NEK1: variants seen among roughly 807,000 people sequenced by gnomAD.
The protein encoded by NEK1 is NIMA related kinase 1, also known as serine/threonine-protein kinase Nek1.
NEK1 carries 137 observed loss-of-function variants against 182.1 expected under a neutral mutation model. That is an observed-to-expected ratio of 0.75 (90% confidence interval 0.65 to 0.87). The LOEUF (loss-of-function observed/expected upper bound fraction) is 0.87. NEK1 is among the 40% of genes least tolerant of loss of function. The pLI, the probability that NEK1 is intolerant of heterozygous loss-of-function variation, is 0.00. For synonymous variants in NEK1, 513 were observed against 492.2 expected, an observed-to-expected ratio of 1.04 and a Z score of -0.56; for missense variants, 1,391 against 1,494.4, an observed-to-expected ratio of 0.93 and a Z score of 1.14.
At chr4:169,505,039 A>AAT (rs1561311382) in intron 23 of NEK1, among the ~76,000 whole-genome samples, 1 of 151,666 alleles carries the variant, frequency 6.6e-6, no homozygotes, top group Non-Finnish European at 1.5e-5. Context: ...TAAAAAAAAA[A>AAT]TTTTTTTTAA....
chr4:169,502,188 G>C (rs979911287), intron 23 of NEK1, among the ~76,000 whole-genome samples: 1 of 150,918 alleles, frequency 6.6e-6, no homozygotes, highest in Non-Finnish European at 1.5e-5. Context: ...GATTGAACTA[G>C]GAAGAAACTG....
At chr4:169,607,685 G>A (rs1047496022) in intron 2 of NEK1, among the ~76,000 whole-genome samples, 6 of 151,854 alleles carry the variant, frequency 4.0e-5, no homozygotes, top group East Asian at 1.9e-4. Context: ...GGATGGTCTC[G>A]ATCTCCTGAC....
intron 19 of NEK1, among the ~76,000 whole-genome samples, chr4:169,514,986 A>G (rs949482593): frequency 9.9e-5 from 15 of 152,236 alleles, no homozygotes; most frequent in Middle Eastern, 6.8e-3. Context: ...AATTTCCCTC[A>G]CAGAAGTGCT....
Position 169,567,805 on chromosome 4 carries a change from C to T in NEK1, c.1021-5609G>A, listed in dbSNP as rs1297655791. On this transcript the variant is annotated intron_variant, in intron 12 of 35. Transcript: ENST00000507142. ...TCTGCCTGATGAAGTTTGAGGGCAA[C>T]GACTCTGCCTGAAATTCAAAACATT... 5.3e-5 allele frequency among the ~76,000 whole-genome samples: 8 copies of T among 152,136 alleles called. No homozygotes were observed. The East Asian group carries it at 7.7e-4, about 15-fold the overall frequency.
At position 169,404,041 on chromosome 4, in the gene NEK1, A is replaced by G. The variant is rs534987465; in HGVS notation, c.3375-2181T>C. ...ATTCTGTCATCAATTGTTCATTAAA[A>G]GAACACATGCATAACACAAACTTAG... On this transcript the variant is annotated intron_variant, in intron 32 of 35. Coordinates refer to ENST00000507142, the MANE Select transcript of NEK1 (RefSeq NM_001199397.3). Among the ~76,000 whole-genome samples the G allele has an allele frequency of 4.6e-5, 7 of 151,118 alleles. No individual in the cohort carries two copies. The South Asian group carries it at 1.5e-3, about 32-fold the overall frequency.
At chr4:169,434,475 T>A (rs13146554) in intron 28 of NEK1, among the ~76,000 whole-genome samples, 122,500 of 152,082 alleles carry the variant, frequency 0.81, 50,807 homozygotes, top group South Asian at 0.92. Context: ...AGCCTCTCAA[T>A]GTGCTGGGAT....
chr4:169,587,220 G>A (rs974942551), intron 9 of NEK1, among the ~76,000 whole-genome samples: 1 of 151,812 alleles, frequency 6.6e-6, no homozygotes, highest in African/African-American at 2.4e-5. Context: ...TGGGTGTTTT[G>A]AAAGAATTCA....
chr4:169,435,601 T>C (rs1225739251), intron 28 of NEK1, among the ~76,000 whole-genome samples: 1 of 152,202 alleles, frequency 6.6e-6, no homozygotes, highest in Admixed American at 6.5e-5. Flanking sequence ...GTGAAAGTGA[T>C]GCTATGCCAG....
chr4:169,473,062 C>T (rs1023019244), intron 26 of NEK1, among the ~76,000 whole-genome samples: 2 of 150,924 alleles, frequency 1.3e-5, no homozygotes, highest in African/African-American at 4.9e-5. Context: ...AGTTCAAAAG[C>T]AGCCTGGTTA....
intron 31 of NEK1, among the ~76,000 whole-genome samples, chr4:169,413,663 C>G (rs1003894793): frequency 1.3e-5 from 2 of 152,198 alleles, no homozygotes; most frequent in South Asian, 4.1e-4. Context: ...AAAATCTATA[C>G]TGATCCACCA....
intron 8 of NEK1, among the ~76,000 whole-genome samples, chr4:169,587,831 A>C (rs559771091): frequency 9.4e-4 from 143 of 152,242 alleles, no homozygotes; most frequent in African/African-American, 3.3e-3. Flanking sequence ...GCTTCATTAA[A>C]GAAATTTAAT....
At chr4:169,400,145 G>T in intron 35 of NEK1, 80 bp downstream of exon 35, 1 of 1,326,908 alleles carries the variant, frequency 7.5e-7, no homozygotes, top group Non-Finnish European at 1.1e-6. Flanking sequence ...TGGATGTGAT[G>T]TAAGCTGATT....
rs1024127044 is a variant in NEK1 at position 169,612,024 on chromosome 4, G to A, written c.-53C>T. 3 of 152,192 alleles carry A rather than the reference G, an allele frequency of 2.0e-5. No individual in the cohort carries two copies. Among genetic ancestry groups the A allele is most frequent in the Admixed American group, 6.5e-5 (1 of 15,286 alleles). 9.4% of individuals were successfully genotyped at this position (152,192 alleles called of 1,614,324 possible). ...CTTCCCCCAAGTGGAACTCACCTCA[G>A]TGACACAGGACGTTAGTAGGAATAA... On this transcript the variant is annotated 5_prime_UTR_variant, in exon 2 of 36. Coordinates refer to ENST00000507142, the MANE Select transcript of NEK1 (RefSeq NM_001199397.3).
Position 169,401,786 on chromosome 4 carries a change from C to T in NEK1, c.3449G>A (p.Gly1150Asp), listed in dbSNP as rs1313685718. ...SMEQLLREQP[G>D]EEYSEEEESV... ...CTCTTCTTCTTCACTGTATTCTTCA[C>T]CAGGTTGTTCCCTAAGTAACTGTTC... The change falls in exon 33 of 36, where the codon GGT (glycine) becomes GAT (aspartate). Residue 1150 changes from glycine to aspartate, a missense_variant. Around this residue, in one of 5 missense-constraint regions of NEK1, gnomAD observed 1,216 missense variants for 1,277.6 expected, o/e 0.95. Transcript: ENST00000507142. 4 of 1,613,716 alleles carry T rather than the reference C, an allele frequency of 2.5e-6. No homozygotes were observed. The Admixed American group carries it at 6.7e-5, about 27-fold the overall frequency.
chr4:169,443,832 C>G, intron 27 of NEK1, among the ~76,000 whole-genome samples: 1 of 152,082 alleles, frequency 6.6e-6, no homozygotes. Context: ...GCTTTCTCAG[C>G]AGAAAACTTA....
chr4:169,562,428 T>C (rs1763058676), intron 12 of NEK1, among the ~76,000 whole-genome samples: 2 of 152,084 alleles, frequency 1.3e-5, no homozygotes, highest in Non-Finnish European at 2.9e-5. Flanking sequence ...AATCATCAAC[T>C]AAACAGTTTT....
At chr4:169,588,503 C>G in intron 8 of NEK1, 146 bp downstream of exon 8, 1 of 453,592 alleles carries the variant, frequency 2.2e-6, no homozygotes, top group Non-Finnish European at 4.0e-6. Context: ...CAATTCCCCT[C>G]ACCATATATT....
chr4:169,495,323 A>G (rs1751011679), intron 23 of NEK1, among the ~76,000 whole-genome samples: 1 of 142,722 alleles, frequency 7.0e-6, no homozygotes, highest in Non-Finnish European at 1.5e-5. Context: ...GACTCACTGC[A>G]AGCTCCACCT....
intron 23 of NEK1, among the ~76,000 whole-genome samples, chr4:169,501,902 G>T (rs2149671290): frequency 6.6e-6 from 1 of 152,056 alleles, no homozygotes; most frequent in South Asian, 2.1e-4. Flanking sequence ...ACTAAAATCA[G>T]AGCGGAATTA....
Sources: allele counts gnomAD v4.1 joint callset (sites outside exome capture counted in the v4.1 genomes callset), GRCh38; gene constraint gnomAD v4.1.1; regional missense constraint gnomAD v4.1.1; transcripts MANE v1.5; gene names NCBI Gene and HGNC (gene_info 2026-07-23, HGNC 2026-07-21).